DACH2: variants seen among roughly 807,000 people sequenced by gnomAD.
DACH2 encodes dachshund homolog 2.
Under a neutral mutation model 35.8 loss-of-function variants are expected in DACH2, and 17 were observed. The observed-to-expected ratio is 0.48, with a 90% CI of 0.33 to 0.71. The LOEUF (loss-of-function observed/expected upper bound fraction) is 0.71, where lower values mean the gene tolerates loss of function less well. Among genes scored for constraint, DACH2 ranks in the 30% least tolerant of loss-of-function variants. The probability of loss-of-function intolerance (pLI) is 0.02; values close to 1 mark genes in which losing one functional copy is unlikely to be tolerated. For synonymous variants in DACH2, 195 were observed against 177.3 expected (o/e 1.10, Z -0.79); for missense variants, 469 against 472.7 (o/e 0.99, Z 0.07).
intron 3 of DACH2, among the ~76,000 whole-genome samples, chrX:86,604,862 T>G (rs1454982449): frequency 9.0e-6 from 1 of 111,661 alleles, no homozygotes; most frequent in Non-Finnish European, 1.9e-5. Context: ...GATATGGATA[T>G]GTTGTTATTG....
chrX:86,438,063 G>A (rs1435132501), intron 2 of DACH2, among the ~76,000 whole-genome samples: 1 of 108,885 alleles, frequency 9.2e-6, no homozygotes, highest in Non-Finnish European at 1.9e-5. Flanking sequence ...GCTCCAGGGT[G>A]TGTTGTTCCC....
intron 4 of DACH2, among the ~76,000 whole-genome samples, chrX:86,678,429 G>A: frequency 8.9e-6 from 1 of 112,468 alleles, no homozygotes; most frequent in Non-Finnish European, 1.9e-5. Context: ...AAACATGTTA[G>A]TGAGAAAAGA....
chrX:86,580,026 C>T (rs2039482609), intron 3 of DACH2, among the ~76,000 whole-genome samples: 1 of 111,044 alleles, frequency 9.0e-6, no homozygotes, highest in Non-Finnish European at 1.9e-5. Context: ...TCCAGTGCAG[C>T]AGGTTTCTAA....
chrX:86,546,780 C>A (rs747461377), intron 3 of DACH2, among the ~76,000 whole-genome samples: 18 of 109,831 alleles, frequency 1.6e-4, no homozygotes, highest in Admixed American at 4.9e-4. Context: ...TCCCAAAGTG[C>A]TGGAATTACA....
intron 2 of DACH2, among the ~76,000 whole-genome samples, chrX:86,408,130 T>C (rs1021602614): frequency 9.0e-6 from 1 of 111,663 alleles, no homozygotes; most frequent in Non-Finnish European, 1.9e-5. Flanking sequence ...TGCACACTAT[T>C]AAATGGTGAG....
intron 1 of DACH2, among the ~76,000 whole-genome samples, chrX:86,300,723 A>G (rs2034560009): frequency 8.9e-6 from 1 of 112,094 alleles, no homozygotes; most frequent in Non-Finnish European, 1.9e-5. Context: ...ATAAGCAAAA[A>G]TAAAATTCAG....
At chrX:86,420,393 A>G (rs551766799) in intron 2 of DACH2, among the ~76,000 whole-genome samples, 5 of 112,281 alleles carry the variant, frequency 4.5e-5, no homozygotes, top group East Asian at 5.6e-4. Context: ...TGTGACAGAC[A>G]TGAACATGCA....
At chrX:86,513,628 C>T (rs751353014) in intron 2 of DACH2, among the ~76,000 whole-genome samples, 2 of 112,190 alleles carry the variant, frequency 1.8e-5, no homozygotes, top group Non-Finnish European at 3.8e-5. Flanking sequence ...GTTAAAAACA[C>T]CAATCAATCC....
At chrX:86,511,204 G>A (rs888058322) in intron 2 of DACH2, among the ~76,000 whole-genome samples, 3 of 111,516 alleles carry the variant, frequency 2.7e-5, no homozygotes, top group African/African-American at 9.8e-5. Flanking sequence ...ATCTTTCATC[G>A]TGTTGTCAGG....
intron 3 of DACH2, among the ~76,000 whole-genome samples, chrX:86,636,249 C>A (rs968074545): frequency 1.8e-5 from 2 of 110,703 alleles, no homozygotes; most frequent in Non-Finnish European, 3.8e-5. Context: ...GAGTTCGAGA[C>A]CAGCCCGGCC....
chrX:86,687,541 G>A (rs2040959685), intron 4 of DACH2, among the ~76,000 whole-genome samples: 1 of 111,308 alleles, frequency 9.0e-6, no homozygotes, highest in South Asian at 3.8e-4. Flanking sequence ...CCCATTAGTG[G>A]GCATATACCC....
At chrX:86,526,604 G>A (rs902652966) in intron 3 of DACH2, among the ~76,000 whole-genome samples, 23 of 110,930 alleles carry the variant, frequency 2.1e-4, no homozygotes, top group African/African-American at 7.5e-4. Flanking sequence ...CTGAGTCAAG[G>A]TAGAGAATGC....
At chrX:86,432,219 C>T (rs6623673) in intron 2 of DACH2, among the ~76,000 whole-genome samples, 305 of 112,123 alleles carry the variant, frequency 2.7e-3, no homozygotes, top group African/African-American at 9.2e-3. Flanking sequence ...ATGGTTTGAG[C>T]AACAGAAAAG....
chrX:86,490,912 A>G (rs1307749444), intron 2 of DACH2, among the ~76,000 whole-genome samples: 3 of 110,988 alleles, frequency 2.7e-5, no homozygotes, highest in Non-Finnish European at 5.7e-5. Flanking sequence ...ACGTTGGTGG[A>G]CTTTTTGGGT....
At chrX:86,318,879 C>A (rs1205535230) in intron 1 of DACH2, among the ~76,000 whole-genome samples, 2 of 111,800 alleles carry the variant, frequency 1.8e-5, no homozygotes, top group African/African-American at 6.5e-5. Context: ...ACTTATTTTT[C>A]CAAAACGATG....
intron 1 of DACH2, among the ~76,000 whole-genome samples, chrX:86,287,873 C>T (rs975782094): frequency 8.9e-6 from 1 of 112,071 alleles, no homozygotes; most frequent in Non-Finnish European, 1.9e-5. Context: ...CTCTGTTTTT[C>T]CAGTTTTTGT....
At chrX:86,276,667 C>T (rs2033922175) in intron 1 of DACH2, among the ~76,000 whole-genome samples, 1 of 111,797 alleles carries the variant, frequency 8.9e-6, no homozygotes, top group Non-Finnish European at 1.9e-5. Context: ...ATTTTGAGGA[C>T]TTAGATTTAT....
intron 2 of DACH2, among the ~76,000 whole-genome samples, chrX:86,499,319 G>A (rs926676483): frequency 1.8e-5 from 2 of 111,453 alleles, no homozygotes; most frequent in Non-Finnish European, 3.8e-5. Flanking sequence ...TTGCTGTTAA[G>A]TTCCCATAAC....
chrX:86,422,958 A>C (rs2148160207), intron 2 of DACH2, among the ~76,000 whole-genome samples: 1 of 111,291 alleles, frequency 9.0e-6, no homozygotes, highest in South Asian at 3.7e-4. Context: ...CATTTAGCAT[A>C]ATATTCTCCA....
Sources: allele counts gnomAD v4.1 joint callset (sites outside exome capture counted in the v4.1 genomes callset), GRCh38; gene constraint gnomAD v4.1.1; transcripts MANE v1.5; gene names NCBI Gene and HGNC (gene_info 2026-07-23, HGNC 2026-07-21).